ZFHX3: variants seen among roughly 807,000 people sequenced by gnomAD.
ZFHX3 encodes the protein zinc finger homeobox 3.
In ZFHX3, 42 loss-of-function variants were observed where a neutral mutation model predicts 279.1. That is an observed-to-expected ratio of 0.15 (90% CI 0.12 to 0.19). The LOEUF is 0.19. Ranked by LOEUF, ZFHX3 falls within the 10% of genes least tolerant of loss-of-function variation. The pLI, the probability that ZFHX3 is intolerant of heterozygous loss-of-function variation, is 1.00. For synonymous variants in ZFHX3, 2,293 were observed against 1,957.8 expected, an observed-to-expected ratio of 1.17 and a Z score of -4.52; for missense variants, 4,981 against 4,754.0, an observed-to-expected ratio of 1.05 and a Z score of -1.40.
chr16:73,182,141 CA>C (rs1177135045), intron 5 of ZFHX3, among the ~76,000 whole-genome samples: 2 of 152,152 alleles, frequency 1.3e-5, no homozygotes, highest in Admixed American at 1.3e-4. Flanking sequence ...CCAACTAGAG[CA>C]TTCAGAAGCT....
intron 8 of ZFHX3, among the ~76,000 whole-genome samples, chr16:73,080,604 T>A (rs1433959194): frequency 6.6e-6 from 1 of 152,122 alleles, no homozygotes; most frequent in Non-Finnish European, 1.5e-5. Flanking sequence ...GATGGGATCT[T>A]GCTGTGTTGC....
chr16:73,764,783 G>A (rs1024245935), intron 1 of ZFHX3, among the ~76,000 whole-genome samples: 1 of 152,158 alleles, frequency 6.6e-6, no homozygotes, highest in Non-Finnish European at 1.5e-5. Context: ...CCAGTGACTT[G>A]AGGTCCCAAA....
At chr16:73,338,372 C>T (rs114545604) in intron 3 of ZFHX3, among the ~76,000 whole-genome samples, 1,590 of 152,222 alleles carry the variant, frequency 0.01, 33 homozygotes, top group African/African-American at 0.036. Context: ...CTGGGCACAT[C>T]GTAGGGCCTT....
At chr16:73,028,643 A>C (rs1248268507) in intron 1 of ZFHX3, among the ~76,000 whole-genome samples, 2 of 152,182 alleles carry the variant, frequency 1.3e-5, no homozygotes, top group South Asian at 4.1e-4. Flanking sequence ...AACCGCTCGG[A>C]GGGATTCTCA....
chr16:73,751,780 T>C (rs2053764557), intron 1 of ZFHX3, among the ~76,000 whole-genome samples: 1 of 152,162 alleles, frequency 6.6e-6, no homozygotes, highest in Admixed American at 6.6e-5. Context: ...AATGCACCCA[T>C]CTAGCTTTGG....
At chr16:73,372,216 C>T (rs2016643836) in intron 3 of ZFHX3, among the ~76,000 whole-genome samples, 2 of 152,104 alleles carry the variant, frequency 1.3e-5, no homozygotes, top group Non-Finnish European at 2.9e-5. Flanking sequence ...GTCCGCCTAC[C>T]AGTACTTTTG....
intron 5 of ZFHX3, among the ~76,000 whole-genome samples, chr16:73,245,353 T>C (rs1361436855): frequency 6.6e-6 from 1 of 152,182 alleles, no homozygotes; most frequent in East Asian, 1.9e-4. Flanking sequence ...CACTGTAGCC[T>C]CAAACTCTTG....
At chr16:73,093,516 C>A in exon 8 of ZFHX3, 1 of 505,500 alleles carries the variant, frequency 2.0e-6, no homozygotes. Context: ...TAGCTGCGCC[C>A]TGTCCACTCT....
In ZFHX3 at chr16:73,876,945, G is replaced by A. The variant is rs1450944264; in HGVS notation, c.-1608+14706C>T. Among the ~76,000 whole-genome samples, 4 of 151,394 alleles carry A rather than the reference G, an allele frequency of 2.6e-5. 1 individual carries two copies. Among genetic ancestry groups the A allele is most frequent in the African/African-American group, 9.7e-5 (4 of 41,104 alleles). On this transcript the variant is annotated intron_variant, in intron 1 of 17. Transcript: ENST00000641206. Reference sequence around the variant, plus strand: ...TTTGCAAGCACATCTTAAATATTGTGAAGCCAATTTGGACTTACTAAAAAA... The same window carrying A: ...TTTGCAAGCACATCTTAAATATTGTAAAGCCAATTTGGACTTACTAAAAAA...
At chr16:73,517,065 C>T (rs1348906126) in intron 2 of ZFHX3, among the ~76,000 whole-genome samples, 1 of 152,074 alleles carries the variant, frequency 6.6e-6, no homozygotes, top group African/African-American at 2.4e-5. Context: ...AGTCTTCATC[C>T]CCCCATAACA....
intron 1 of ZFHX3, among the ~76,000 whole-genome samples, chr16:73,761,461 C>A (rs2053865770): frequency 6.6e-6 from 1 of 152,170 alleles, no homozygotes. Flanking sequence ...AATTGACATT[C>A]TTCAGAGAAT....
chr16:73,843,278 T>C lies in ZFHX3; in HGVS notation c.-1608+48373A>G, dbSNP rs143879661. On this transcript the variant is annotated intron_variant, in intron 1 of 17. Transcript: ENST00000641206. ...GTCAATCACGCCAATAGAAAGACAATGCCTAGGCTCCTTCCGTGTGCACAG... is the reference window on the plus strand; with the variant it reads ...GTCAATCACGCCAATAGAAAGACAACGCCTAGGCTCCTTCCGTGTGCACAG... Among the ~76,000 whole-genome samples, 187 of 152,266 alleles carry C rather than the reference T, an allele frequency of 1.2e-3. 2 individuals are homozygous for C. Among genetic ancestry groups the C allele is most frequent in the Middle Eastern group, 3.4e-3 (1 of 294 alleles).
At chr16:73,176,035 A>G (rs1035883809) in intron 5 of ZFHX3, among the ~76,000 whole-genome samples, 3 of 152,210 alleles carry the variant, frequency 2.0e-5, no homozygotes, top group Admixed American at 1.3e-4. Flanking sequence ...CTCGTCGGCT[A>G]TGCCAATTCT....
At chr16:73,143,789 C>T (rs1213627834) in exon 6 of ZFHX3, 22 of 1,305,328 alleles carry the variant, frequency 1.7e-5, no homozygotes, top group African/African-American at 1.5e-4. Context: ...CATCCAATAG[C>T]GCTAGGCTAG....
chr16:73,680,188 A>C (rs2052996060), exon 2 of ZFHX3: 1 of 152,332 alleles, frequency 6.6e-6, no homozygotes, highest in African/African-American at 2.4e-5. Flanking sequence ...ACCAAAGTAA[A>C]ATTTCTTCGA....
chr16:72,814,721 C>T (rs897992611), intron 5 of ZFHX3, among the ~76,000 whole-genome samples: 3 of 151,800 alleles, frequency 2.0e-5, no homozygotes, highest in Non-Finnish European at 2.9e-5. Context: ...TCACCAATTG[C>T]TCACTCATTT....
intron 2 of ZFHX3, among the ~76,000 whole-genome samples, chr16:73,675,809 C>T (rs1165881140): frequency 6.6e-6 from 1 of 151,880 alleles, no homozygotes; most frequent in Non-Finnish European, 1.5e-5. Context: ...AAAAACAATA[C>T]ACATACACGC....
At chr16:72,911,994 C>T (rs1379171038) in intron 3 of ZFHX3, among the ~76,000 whole-genome samples, 1 of 152,156 alleles carries the variant, frequency 6.6e-6, no homozygotes, top group Non-Finnish European at 1.5e-5. Context: ...TAGGGAATAA[C>T]ATAAAAAATA....
intron 3 of ZFHX3, among the ~76,000 whole-genome samples, chr16:73,416,760 G>C (rs11640643): frequency 0.37 from 48,924 of 133,202 alleles, 12,760 homozygotes; most frequent in Non-Finnish European, 0.55. Flanking sequence ...TGTAGTCCCA[G>C]CTACCAGGGA....
Sources: gnomAD v4.1 joint callset for allele counts (sites outside exome capture counted in the v4.1 genomes callset) on GRCh38, gnomAD v4.1.1 for gene constraint, MANE v1.5 for transcripts, NCBI Gene and HGNC (gene_info 2026-07-23, HGNC 2026-07-21) for gene names.